TGFBR3: variants seen among roughly 807,000 people sequenced by gnomAD.
TGFBR3 encodes transforming growth factor beta receptor 3.
In TGFBR3, 46 loss-of-function variants were observed where a neutral mutation model predicts 87.9. The ratio of observed to expected loss-of-function variants is 0.52; its 90% CI spans 0.41 to 0.67. TGFBR3 has a LOEUF of 0.67. Among genes scored for constraint, TGFBR3 ranks in the 30% least tolerant of loss-of-function variants. TGFBR3 has a pLI of 0.00. For missense variants in TGFBR3, 866 were observed against 1,041.9 expected, an observed-to-expected ratio of 0.83 and a Z score of 2.32; for synonymous variants, 381 against 391.6, an observed-to-expected ratio of 0.97 and a Z score of 0.32.
intron 3 of TGFBR3, among the ~76,000 whole-genome samples, chr1:91,780,961 AT>A (rs1674748002): frequency 6.6e-6 from 1 of 151,040 alleles, no homozygotes; most frequent in Non-Finnish European, 1.5e-5. Flanking sequence ...CATTTGAGCC[AT>A]CAGCTGGAGA....
chr1:91,720,558 C>T (rs1342455112), intron 8 of TGFBR3, among the ~76,000 whole-genome samples: 2 of 152,174 alleles, frequency 1.3e-5, no homozygotes, highest in Non-Finnish European at 1.5e-5. Flanking sequence ...AAAAAATATT[C>T]CTACGCCCAG....
intron 2 of TGFBR3, among the ~76,000 whole-genome samples, chr1:91,839,166 C>T (rs1267929525): frequency 1.3e-5 from 2 of 152,214 alleles, no homozygotes; most frequent in Non-Finnish European, 2.9e-5. Flanking sequence ...TTCGTAGAGA[C>T]ACGGTCTCGC....
chr1:91,738,031 C>G lies in TGFBR3; in HGVS notation c.385-3072G>C, dbSNP rs568803513. Among the ~76,000 whole-genome samples, 6 of 152,248 alleles carry G rather than the reference C, an allele frequency of 3.9e-5. No individual in the cohort carries two copies. The South Asian group carries it at 1.2e-3, about 32-fold the overall frequency. On this transcript the variant is annotated intron_variant, in intron 4 of 16. Transcript: ENST00000212355. The stretch of plus-strand genomic sequence containing the variant: ...TGGGTTCATCCAATCAGTTGAAGGC[C>G]TGAATAGAACAAAAAGCTGACTCTC...
At chr1:91,704,883 C>T (rs1414957261) in intron 14 of TGFBR3, among the ~76,000 whole-genome samples, 1 of 152,230 alleles carries the variant, frequency 6.6e-6, no homozygotes, top group East Asian at 1.9e-4. Flanking sequence ...AGAAGAAACA[C>T]TAAAGTATGT....
At position 91,861,595 on chromosome 1, in the gene TGFBR3, T is replaced by C. The variant is rs766192311; in HGVS notation, c.-64A>G. The C allele has an allele frequency of 3.7e-6, 5 of 1,339,514 alleles. No homozygotes were observed. The highest frequency in any genetic ancestry group is 1.7e-5 in the Admixed American group (1 of 59,642). The allele number at this position is 1,339,514 out of a possible 1,614,324, so 83.0% of individuals were successfully genotyped here. ...AGCCTGCTCAGAGCACAGACAATCT[T>C]TGCAAATCAGAAGTAGTCTTAAAGT... is the stretch of plus-strand genomic sequence containing the variant. On this transcript the variant is annotated 5_prime_UTR_variant, in exon 2 of 17. Coordinates refer to ENST00000212355, the MANE Select transcript of TGFBR3 (RefSeq NM_003243.5).
At chr1:91,790,720 T>A (rs1336702575) in intron 3 of TGFBR3, among the ~76,000 whole-genome samples, 1 of 152,242 alleles carries the variant, frequency 6.6e-6, no homozygotes, top group Admixed American at 6.5e-5. Flanking sequence ...TTTTTTGTTT[T>A]TTCTGCATAT....
At chr1:91,688,907 G>A (rs1439665733) in intron 16 of TGFBR3, among the ~76,000 whole-genome samples, 1 of 152,080 alleles carries the variant, frequency 6.6e-6, no homozygotes, top group African/African-American at 2.4e-5. Context: ...GATAAGGTAG[G>A]AGGCAAGAGA....
At chr1:91,864,751 T>G (rs998561916) in intron 1 of TGFBR3, among the ~76,000 whole-genome samples, 78 of 152,318 alleles carry the variant, frequency 5.1e-4, no homozygotes, top group African/African-American at 1.8e-3. Context: ...GACTGAAGGC[T>G]TCCGAAAAGT....
At chr1:91,815,234 G>A (rs573052884) in intron 2 of TGFBR3, among the ~76,000 whole-genome samples, 5 of 146,620 alleles carry the variant, frequency 3.4e-5, no homozygotes, top group South Asian at 2.2e-4. Flanking sequence ...CCCGGGAGGC[G>A]GAGGTTGCAG....
chr1:91,729,694 TC>T, intron 6 of TGFBR3, 110 bp downstream of exon 6: 2 of 1,258,210 alleles, frequency 1.6e-6, no homozygotes, highest in Non-Finnish European at 2.3e-6. Context: ...ATGGCTCCCT[TC>T]CCTCCTGCGT....
chr1:91,890,030 C>A (rs986158871), upstream of TGFBR3, among the ~76,000 whole-genome samples: 1 of 152,156 alleles, frequency 6.6e-6, no homozygotes, highest in Non-Finnish European at 1.5e-5. Flanking sequence ...TCACTAATTT[C>A]TCATGGAGAA....
rs371215513 is a variant in TGFBR3 at position 91,681,595 on chromosome 1, G to A, written c.*2144C>T. ...TAATAGCTAATTTTCTTTTTAACAC[G>A]ATGGAAAAGATTTTTTAAAAAAGCA... On this transcript the variant is annotated 3_prime_UTR_variant, in exon 17 of 17. Coordinates refer to ENST00000212355, the MANE Select transcript of TGFBR3 (RefSeq NM_003243.5). 6 of 400,074 alleles carry A rather than the reference G, an allele frequency of 1.5e-5. No individual in the cohort carries two copies. Among genetic ancestry groups the A allele is most frequent in the Non-Finnish European group, 2.4e-5 (5 of 209,078 alleles). 24.8% of individuals were successfully genotyped at this position (400,074 alleles called of 1,614,324 possible). A position where few individuals can be genotyped will look rare whatever the true frequency, so the allele number is the denominator to read the frequency against.
At chr1:91,804,887 C>T (rs1242981903) in intron 2 of TGFBR3, among the ~76,000 whole-genome samples, 1 of 152,202 alleles carries the variant, frequency 6.6e-6, no homozygotes, top group African/African-American at 2.4e-5. Flanking sequence ...AAGTGAGTGA[C>T]ATGCTCTGAT....
intron 3 of TGFBR3, among the ~76,000 whole-genome samples, chr1:91,789,579 G>A (rs1461976643): frequency 6.6e-6 from 1 of 152,208 alleles, no homozygotes; most frequent in African/African-American, 2.4e-5. Flanking sequence ...TCTTAGCTTA[G>A]CCTTGTGTCC....
At chr1:91,899,703 A>G (rs1039968249) in intron 1 of TGFBR3, 3 of 152,200 alleles carry the variant, frequency 2.0e-5, no homozygotes, top group African/African-American at 7.2e-5. Context: ...TTTGACTACA[A>G]ATAAAACAAA....
chr1:91,806,428 A>G (rs1222404289), intron 2 of TGFBR3, among the ~76,000 whole-genome samples: 1 of 152,172 alleles, frequency 6.6e-6, no homozygotes, highest in East Asian at 1.9e-4. Flanking sequence ...CAGTGCCAAA[A>G]GAAATTACTA....
intron 2 of TGFBR3, among the ~76,000 whole-genome samples, chr1:91,891,504 A>G (rs933656190): frequency 1.3e-5 from 2 of 151,994 alleles, no homozygotes; most frequent in East Asian, 3.9e-4. Context: ...TCTCAAAGAA[A>G]AAAAAAAAAA....
chr1:91,789,674 T>C (rs894814844), intron 3 of TGFBR3, among the ~76,000 whole-genome samples: 1 of 152,242 alleles, frequency 6.6e-6, no homozygotes, highest in African/African-American at 2.4e-5. Flanking sequence ...ACTGCATTTT[T>C]GGAGAGTTCC....
chr1:91,824,344 T>C (rs1294581662), intron 2 of TGFBR3, among the ~76,000 whole-genome samples: 2 of 152,142 alleles, frequency 1.3e-5, no homozygotes, highest in African/African-American at 2.4e-5. Context: ...TAGGCAAAGA[T>C]CTGGAAGTAA....
Sources: gnomAD v4.1 joint callset for allele counts (sites outside exome capture counted in the v4.1 genomes callset) on GRCh38, gnomAD v4.1.1 for gene constraint, MANE v1.5 for transcripts, NCBI Gene and HGNC (gene_info 2026-07-23, HGNC 2026-07-21) for gene names.